Variants in CDK14 observed in about 807,000 individuals in gnomAD.
CDK14 encodes the protein cyclin dependent kinase 14, also known as cyclin-dependent kinase 14.
A neutral mutation model predicts 60.7 loss-of-function variants in CDK14; 34 were observed. The ratio of observed to expected loss-of-function variants is 0.56; its 90% CI spans 0.43 to 0.75. CDK14 has a LOEUF of 0.75. Among genes scored for constraint, CDK14 ranks in the 30% least tolerant of loss-of-function variants. The probability of loss-of-function intolerance (pLI) is 0.00; values close to 1 mark genes in which losing one functional copy is unlikely to be tolerated. For synonymous variants in CDK14, 197 were observed against 203.7 expected (o/e 0.97, Z 0.28); for missense variants, 482 against 564.1 (o/e 0.85, Z 1.47).
chr7:90,739,962 G>A (rs1043652480), intron 3 of CDK14, among the ~76,000 whole-genome samples: 1 of 152,060 alleles, frequency 6.6e-6, no homozygotes, highest in Non-Finnish European at 1.5e-5. Flanking sequence ...GGACTAGTCA[G>A]GCGACTTTGA....
chr7:91,106,102 G>A (rs1052401717), intron 12 of CDK14, among the ~76,000 whole-genome samples: 2 of 152,138 alleles, frequency 1.3e-5, no homozygotes, highest in Non-Finnish European at 2.9e-5. Flanking sequence ...TAATATTTGA[G>A]GGGTAATGGC....
intron 2 of CDK14, among the ~76,000 whole-genome samples, chr7:90,713,627 CT>C (rs34802725): frequency 0.027 from 3,586 of 133,714 alleles, 110 homozygotes; most frequent in African/African-American, 0.075. Context: ...TTTGGAAGTA[CT>C]TTTTTTTTTT....
At chr7:90,982,467 T>C (rs1364908085) in intron 9 of CDK14, among the ~76,000 whole-genome samples, 1 of 152,150 alleles carries the variant, frequency 6.6e-6, no homozygotes, top group East Asian at 1.9e-4. Flanking sequence ...GGCTCCAACC[T>C]AGATAAAATG....
chr7:91,198,250 C>A (rs1802612713), intron 14 of CDK14, among the ~76,000 whole-genome samples: 1 of 152,102 alleles, frequency 6.6e-6, no homozygotes, highest in African/African-American at 2.4e-5. Context: ...AGTTGCAGGG[C>A]TTTTGTGGTG....
At position 91,188,542 on chromosome 7, in the gene CDK14, AGATGGATG is replaced by A. The variant is rs547872828; in HGVS notation, c.*29-18607_*29-18600del. Among the ~76,000 whole-genome samples the A allele has an allele frequency of 1.8e-3, 269 of 152,270 alleles. 2 individuals carry two copies. Among genetic ancestry groups the A allele is most frequent in the Admixed American group, 4.0e-3 (61 of 15,298 alleles). On this transcript the variant is annotated intron_variant, in intron 14 of 14. Transcript: ENST00000380050. The stretch of plus-strand genomic sequence containing the variant: ...CAGGGCCAAAGTGTAGTATATGTGT[AGATGGATG>A]GATGGATGGATGGATACATACATAC...
chr7:90,967,394 C>G (rs1261918023), intron 9 of CDK14, among the ~76,000 whole-genome samples: 1 of 152,160 alleles, frequency 6.6e-6, no homozygotes, highest in Non-Finnish European at 1.5e-5. Flanking sequence ...TAACTATGAA[C>G]ATTGACTACT....
chr7:91,128,457 T>G (rs1165013295), intron 14 of CDK14, among the ~76,000 whole-genome samples: 1 of 152,194 alleles, frequency 6.6e-6, no homozygotes, highest in East Asian at 1.9e-4. Flanking sequence ...AAGCTGGCCT[T>G]GAAAACAAAA....
At chr7:90,975,858 A>G (rs552602893) in intron 9 of CDK14, among the ~76,000 whole-genome samples, 1 of 152,336 alleles carries the variant, frequency 6.6e-6, no homozygotes, top group African/African-American at 2.4e-5. Context: ...TGTTGTCACA[A>G]AAGACAAGAT....
At chr7:91,026,673 C>T (rs1343756210) in intron 10 of CDK14, among the ~76,000 whole-genome samples, 3 of 152,204 alleles carry the variant, frequency 2.0e-5, no homozygotes. Flanking sequence ...TCACCATTAG[C>T]TGCGTGACCT....
intron 14 of CDK14, among the ~76,000 whole-genome samples, chr7:91,195,344 G>A (rs1462097010): frequency 6.6e-6 from 1 of 152,164 alleles, no homozygotes; most frequent in African/African-American, 2.4e-5. Context: ...AGTTATAAAG[G>A]ATGGCAGTGT....
At chr7:90,598,029 A>G (rs781427522) in intron 1 of CDK14, among the ~76,000 whole-genome samples, 58 of 152,364 alleles carry the variant, frequency 3.8e-4, no homozygotes, top group Non-Finnish European at 6.2e-4. Context: ...TGAAGCCAAG[A>G]AGAGTGTGAG....
chr7:90,741,357 G>T (rs1353978704), intron 3 of CDK14, among the ~76,000 whole-genome samples: 1 of 152,074 alleles, frequency 6.6e-6, no homozygotes, highest in Non-Finnish European at 1.5e-5. Context: ...ACAGCTTTAG[G>T]CTACCTTGTG....
intron 2 of CDK14, among the ~76,000 whole-genome samples, chr7:90,659,877 G>C (rs58531192): frequency 0.29 from 31,181 of 107,534 alleles, 3,404 homozygotes; most frequent in East Asian, 0.54. Flanking sequence ...CTCTCTCTCT[G>C]TGTGTGTGTG....
At chr7:90,874,321 G>C (rs1004189602) in intron 6 of CDK14, among the ~76,000 whole-genome samples, 3 of 151,952 alleles carry the variant, frequency 2.0e-5, no homozygotes, top group Non-Finnish European at 2.9e-5. Context: ...TTCTTGCTTG[G>C]AAATAATTCC....
chr7:90,898,709 C>T (rs573557787), intron 6 of CDK14, among the ~76,000 whole-genome samples: 5 of 152,054 alleles, frequency 3.3e-5, no homozygotes, highest in African/African-American at 9.6e-5. Context: ...TTCGTTTAAA[C>T]ATATCTGGAT....
chr7:91,183,349 C>G (rs1802064397), intron 14 of CDK14, among the ~76,000 whole-genome samples: 1 of 152,170 alleles, frequency 6.6e-6, no homozygotes. Context: ...TCTCTTCTCC[C>G]CTTACAAGTC....
chr7:90,622,878 A>T (rs913977692), intron 2 of CDK14, among the ~76,000 whole-genome samples: 1 of 151,220 alleles, frequency 6.6e-6, no homozygotes, highest in African/African-American at 2.4e-5. Flanking sequence ...GATCCTACTT[A>T]AAAAATATTG....
At chr7:90,746,554 T>A (rs1402369930) in intron 3 of CDK14, among the ~76,000 whole-genome samples, 1 of 152,228 alleles carries the variant, frequency 6.6e-6, no homozygotes, top group Non-Finnish European at 1.5e-5. Flanking sequence ...TAATAAGATA[T>A]TTTTCATTCC....
intron 11 of CDK14, among the ~76,000 whole-genome samples, chr7:91,069,461 A>T (rs1277833275): frequency 6.6e-6 from 1 of 152,122 alleles, no homozygotes; most frequent in Non-Finnish European, 1.5e-5. Flanking sequence ...GGATCCCTTG[A>T]GCCCAAGAAT....
Sources: gnomAD v4.1 joint callset for allele counts (sites outside exome capture counted in the v4.1 genomes callset) on GRCh38, gnomAD v4.1.1 for gene constraint, MANE v1.5 for transcripts, NCBI Gene and HGNC (gene_info 2026-07-23, HGNC 2026-07-21) for gene names.